The following STK33 variants were observed in gnomAD, a reference collection of about 807,000 sequenced individuals.
STK33 encodes serine/threonine kinase 33.
In STK33, 52 loss-of-function variants were observed where a neutral mutation model predicts 58.0. That is an observed-to-expected ratio of 0.90 (90% CI 0.72 to 1.13). The LOEUF (loss-of-function observed/expected upper bound fraction) is 1.13, where lower values mean the gene tolerates loss of function less well. STK33 is among the 50% of genes most tolerant of loss of function. STK33 has a pLI of 0.00. For missense variants in STK33, 630 were observed against 604.2 expected, an observed-to-expected ratio of 1.04 and a Z score of -0.45; for synonymous variants, 215 against 200.1, an observed-to-expected ratio of 1.07 and a Z score of -0.63.
Position 8,440,766 on chromosome 11 carries a change from C to A in STK33, c.872-13G>T. ...ATAACTTCAGGGGCTGCCAAACAAG[C>A]AGATATAAAATAACATTAATAATAC... On this transcript the variant is annotated splice_polypyrimidine_tract_variant and intron_variant, in intron 11 of 15. Coordinates refer to ENST00000687296, the MANE Select transcript of STK33 (RefSeq NM_001352389.2). 6.4e-7 allele frequency: 1 copy of A among 1,552,840 alleles called. No individual in the cohort carries two copies. The highest frequency in any genetic ancestry group is 8.7e-7 in the Non-Finnish European group (1 of 1,146,756).
rs571737603 is a variant in STK33, at chr11:8,435,691, T to C, written c.1061-112A>G. The C allele has an allele frequency of 3.4e-4, 178 of 520,822 alleles. 2 individuals carry two copies. In the South Asian group the frequency reaches 7.2e-3, roughly 21 times the overall value. 32.3% of individuals were successfully genotyped at this position (520,822 alleles called of 1,614,324 possible). On this transcript the variant is annotated intron_variant, in intron 13 of 15. Transcript: ENST00000687296. Reference sequence around the variant, plus strand: ...TAACAGGAAAGAAAGATGCCAAGTGTACAATAAAAATCATCAGTATAAATG... The same window carrying C: ...TAACAGGAAAGAAAGATGCCAAGTGCACAATAAAAATCATCAGTATAAATG...
chr11:8,512,262 G>A (rs1952391679), intron 1 of STK33, among the ~76,000 whole-genome samples: 1 of 151,808 alleles, frequency 6.6e-6, no homozygotes, highest in Non-Finnish European at 1.5e-5. Context: ...TTTTTTCATA[G>A]TTTGTATTTA....
the STK33 span, among the ~76,000 whole-genome samples, chr11:8,380,661 C>G: frequency 6.6e-6 from 1 of 151,588 alleles, no homozygotes; most frequent in Admixed American, 6.6e-5. Context: ...TAAATTAGTA[C>G]GGCCCCTATG....
intron 1 of STK33, among the ~76,000 whole-genome samples, chr11:8,550,843 A>G (rs1463805233): frequency 1.3e-5 from 2 of 152,142 alleles, no homozygotes; most frequent in African/African-American, 2.4e-5. Context: ...TGAGCCCTCC[A>G]AACTGTTGCA....
intron 6 of STK33, among the ~76,000 whole-genome samples, chr11:8,472,805 T>C (rs571242273): frequency 6.6e-6 from 1 of 152,194 alleles, no homozygotes; most frequent in Non-Finnish European, 1.5e-5. Context: ...GGCCTCACTA[T>C]CAAGGAAGTG....
At chr11:8,451,567 C>A (rs1001798558) in intron 11 of STK33, among the ~76,000 whole-genome samples, 2 of 151,910 alleles carry the variant, frequency 1.3e-5, no homozygotes, top group African/African-American at 4.8e-5. Flanking sequence ...GACAAGAAGG[C>A]AAATCTAGAG....
At chr11:8,566,608 A>AC (rs576481972) in intron 1 of STK33, among the ~76,000 whole-genome samples, 217 of 152,330 alleles carry the variant, frequency 1.4e-3, no homozygotes, top group African/African-American at 5.0e-3. Context: ...AATTGAACCA[A>AC]TATTGCATCT....
In STK33 at chr11:8,553,203, A is replaced by ATATATATATATATATATATATGGTGTG. The variant is rs1565347685; in HGVS notation, c.-466+40853_-466+40879dup. On this transcript the variant is annotated intron_variant, in intron 1 of 15. Coordinates refer to ENST00000687296, the MANE Select transcript of STK33 (RefSeq NM_001352389.2). ...ATATATATATATATATATATGGTGTATATATATATATATATATATATGGTG... is the reference window on the plus strand; with the variant it reads ...ATATATATATATATATATATGGTGTATATATATATATATATATATATGGTGTGTATATATATATATATATATATGGTG... Among the ~76,000 whole-genome samples, 271 of 72,806 alleles carry ATATATATATATATATATATATGGTGTG rather than the reference A, an allele frequency of 3.7e-3. 5 individuals are homozygous for ATATATATATATATATATATATGGTGTG. Among genetic ancestry groups the ATATATATATATATATATATATGGTGTG allele is most frequent in the Non-Finnish European group, 4.7e-3 (187 of 39,630 alleles). 47.8% of individuals were successfully genotyped at this position (72,806 alleles called of 152,430 possible). A position where few individuals can be genotyped will look rare whatever the true frequency, so the allele number is the denominator to read the frequency against.
At chr11:8,425,506 T>C (rs542633376) in intron 14 of STK33, among the ~76,000 whole-genome samples, 2 of 152,334 alleles carry the variant, frequency 1.3e-5, no homozygotes, top group Non-Finnish European at 2.9e-5. Context: ...AAAGTAGTTT[T>C]TTCCAATTCT....
intron 14 of STK33, among the ~76,000 whole-genome samples, chr11:8,429,467 G>C (rs1943155988): frequency 6.6e-6 from 1 of 152,048 alleles, no homozygotes; most frequent in Non-Finnish European, 1.5e-5. Context: ...AGTTTTGATT[G>C]CTCTTACTCT....
At chr11:8,385,480 C>T in the STK33 span, among the ~76,000 whole-genome samples, 2 of 152,230 alleles carry the variant, frequency 1.3e-5, no homozygotes, top group South Asian at 4.1e-4. Context: ...CTCCCCGGCT[C>T]TTCCCACGGT....
At chr11:8,341,296 C>T in the STK33 span, among the ~76,000 whole-genome samples, 4 of 152,304 alleles carry the variant, frequency 2.6e-5, no homozygotes, top group South Asian at 2.1e-4. Flanking sequence ...CAGAGGACAG[C>T]GACCCCACAA....
intron 1 of STK33, among the ~76,000 whole-genome samples, chr11:8,591,567 C>G (rs572121438): frequency 1.3e-5 from 2 of 152,284 alleles, no homozygotes; most frequent in South Asian, 4.1e-4. Context: ...ACATGGTTCA[C>G]TGTATGGCCA....
chr11:8,571,591 T>C lies in STK33; in HGVS notation c.-466+22492A>G, dbSNP rs529299406. Among the ~76,000 whole-genome samples, 346 of 152,238 alleles carry C rather than the reference T, an allele frequency of 2.3e-3. 1 individual carries two copies. Among genetic ancestry groups the C allele is most frequent in the Non-Finnish European group, 2.1e-3 (145 of 67,996 alleles). On this transcript the variant is annotated intron_variant, in intron 1 of 15. Coordinates refer to ENST00000687296, the MANE Select transcript of STK33 (RefSeq NM_001352389.2). ...GCTCACGCCTGTAATCCCAACACTTTGGGAGGCTGAGGCGGGTGGATCACG... is the reference window on the plus strand; with the variant it reads ...GCTCACGCCTGTAATCCCAACACTTCGGGAGGCTGAGGCGGGTGGATCACG...
the STK33 span, among the ~76,000 whole-genome samples, chr11:8,367,882 C>T: frequency 6.6e-6 from 1 of 152,172 alleles, no homozygotes; most frequent in Non-Finnish European, 1.5e-5. Context: ...CACACACACA[C>T]ACGTATACAC....
At chr11:8,507,359 A>C (rs1335421076) in intron 1 of STK33, among the ~76,000 whole-genome samples, 1 of 152,196 alleles carries the variant, frequency 6.6e-6, no homozygotes, top group African/African-American at 2.4e-5. Context: ...CTCATCAGTA[A>C]ATTGGAGATA....
chr11:8,516,378 G>A (rs1282953237), intron 1 of STK33, among the ~76,000 whole-genome samples: 1 of 152,214 alleles, frequency 6.6e-6, no homozygotes, highest in African/African-American at 2.4e-5. Flanking sequence ...ACTGGGGGCA[G>A]ATTCCTAGAT....
At chr11:8,512,605 T>C (rs1952428076) in intron 1 of STK33, among the ~76,000 whole-genome samples, 1 of 152,096 alleles carries the variant, frequency 6.6e-6, no homozygotes. Context: ...TCATTTCTTA[T>C]GAGCTTCTTA....
chr11:8,462,553 G>A (rs1269638913), intron 7 of STK33, among the ~76,000 whole-genome samples: 1 of 151,596 alleles, frequency 6.6e-6, no homozygotes, highest in Non-Finnish European at 1.5e-5. Context: ...TTCCTGGCCT[G>A]CCTGGTTAAC....
Sources: gnomAD v4.1 joint callset for allele counts (sites outside exome capture counted in the v4.1 genomes callset) on GRCh38, gnomAD v4.1.1 for gene constraint, MANE v1.5 for transcripts, NCBI Gene and HGNC (gene_info 2026-07-23, HGNC 2026-07-21) for gene names.